Variants in DYRK1A observed in about 807,000 individuals in gnomAD.
The protein encoded by DYRK1A is dual specificity tyrosine phosphorylation regulated kinase 1A.
A neutral mutation model predicts 79.7 loss-of-function variants in DYRK1A; 9 were observed. That is an observed-to-expected ratio of 0.11 (90% CI 0.07 to 0.20). The LOEUF is 0.20. Ranked by LOEUF, DYRK1A falls within the 10% of genes least tolerant of loss-of-function variation. DYRK1A has a pLI of 1.00. For synonymous variants in DYRK1A, 349 were observed against 329.7 expected (o/e 1.06, Z -0.63); for missense variants, 622 against 956.0 (o/e 0.65, Z 4.61).
At chr21:37,394,793 G>A (rs1464278079) in intron 1 of DYRK1A, among the ~76,000 whole-genome samples, 3 of 152,166 alleles carry the variant, frequency 2.0e-5, no homozygotes, top group East Asian at 3.8e-4. Context: ...TGCCAAAAAG[G>A]TTATGGGATA....
chr21:37,509,801 C>T (rs2053700549), intron 11 of DYRK1A, among the ~76,000 whole-genome samples: 1 of 152,222 alleles, frequency 6.6e-6, no homozygotes, highest in African/African-American at 2.4e-5. Flanking sequence ...TAATAAATAA[C>T]CCTGTACGGT....
chr21:37,457,027 T>C (rs1386221126), intron 2 of DYRK1A, among the ~76,000 whole-genome samples: 2 of 76,440 alleles, frequency 2.6e-5, no homozygotes, highest in Admixed American at 1.4e-4. Context: ...CTTACTTACT[T>C]ACTTACTTAC....
intron 1 of DYRK1A, among the ~76,000 whole-genome samples, chr21:37,415,229 T>C (rs1301738485): frequency 6.6e-6 from 1 of 152,180 alleles, no homozygotes; most frequent in Admixed American, 6.5e-5. Flanking sequence ...CAGCTTTTAG[T>C]TCTTAAACCT....
At chr21:37,490,715 T>G (rs1251018517) in intron 7 of DYRK1A, among the ~76,000 whole-genome samples, 1 of 151,860 alleles carries the variant, frequency 6.6e-6, no homozygotes, top group Non-Finnish European at 1.5e-5. Flanking sequence ...TACCTTGTGT[T>G]GATATCTATT....
At chr21:37,458,491 G>T (rs1412984297) in intron 2 of DYRK1A, among the ~76,000 whole-genome samples, 1 of 152,080 alleles carries the variant, frequency 6.6e-6, no homozygotes, top group East Asian at 1.9e-4. Flanking sequence ...GCAACTCTGT[G>T]TGTAACGTTT....
At chr21:37,378,337 A>G (rs2148365335) in intron 1 of DYRK1A, among the ~76,000 whole-genome samples, 1 of 152,286 alleles carries the variant, frequency 6.6e-6, no homozygotes, top group East Asian at 1.9e-4. Context: ...GTTTGAGACG[A>G]CCCTGACCGA....
chr21:37,488,617 G>T (rs528240495), intron 6 of DYRK1A: 1 of 985,356 alleles, frequency 1.0e-6, no homozygotes, highest in South Asian at 4.7e-5. Context: ...AAATATGCTT[G>T]TTTGAGCTTT....
chr21:37,413,091 A>C (rs1215916670), intron 1 of DYRK1A, among the ~76,000 whole-genome samples: 1 of 152,208 alleles, frequency 6.6e-6, no homozygotes, highest in South Asian at 2.1e-4. Context: ...AAGAACATAC[A>C]TTTTAAGAAT....
At chr21:37,410,247 A>G (rs1047584615) in intron 1 of DYRK1A, among the ~76,000 whole-genome samples, 2 of 152,204 alleles carry the variant, frequency 1.3e-5, no homozygotes, top group Admixed American at 1.3e-4. Flanking sequence ...TTGGAGAAGA[A>G]GCTGAGGAAT....
chr21:37,452,384 AAG>A (rs2051482763), intron 2 of DYRK1A, among the ~76,000 whole-genome samples: 1 of 151,998 alleles, frequency 6.6e-6, no homozygotes. Flanking sequence ...AGGTGGAAGT[AAG>A]AGAGCGAATA....
At chr21:37,442,681 T>C (rs1039373252) in intron 2 of DYRK1A, among the ~76,000 whole-genome samples, 1 of 152,174 alleles carries the variant, frequency 6.6e-6, no homozygotes, top group Non-Finnish European at 1.5e-5. Context: ...TCAAGTGATA[T>C]TCCTGTCCCA....
intron 2 of DYRK1A, among the ~76,000 whole-genome samples, chr21:37,448,293 G>T (rs1402314633): frequency 2.6e-5 from 4 of 152,156 alleles, no homozygotes; most frequent in African/African-American, 9.7e-5. Flanking sequence ...AAAGCACTTT[G>T]TACTGTATTA....
intron 2 of DYRK1A, among the ~76,000 whole-genome samples, chr21:37,429,906 C>T (rs1452019569): frequency 6.6e-6 from 1 of 152,192 alleles, no homozygotes; most frequent in East Asian, 1.9e-4. Context: ...TTGGTTGCCT[C>T]CATGATTTTT....
chr21:37,467,124 AAAC>A (rs1451074638), intron 2 of DYRK1A, among the ~76,000 whole-genome samples: 9 of 151,980 alleles, frequency 5.9e-5, no homozygotes, highest in African/African-American at 1.9e-4. Context: ...AAAAAAAACA[AAAC>A]AAAAAAACGG....
rs200885984 is a variant in DYRK1A, at chr21:37,496,240, G to A, written c.1194G>A (p.Lys398=). 3 of 1,612,748 alleles carry A rather than the reference G, an allele frequency of 1.9e-6. No individual in the cohort carries two copies. Among genetic ancestry groups the A allele is most frequent in the Non-Finnish European group, 2.5e-6 (3 of 1,179,652 alleles). ...KLPDGTWNLK[K]TKDGKREYKP... is the part of the protein sequence containing the mutation. ...CAGATGGCACTTGGAACTTAAAGAA[G>A]ACCAAAGATGGAAAACGGGTAAAAT... Residue 398 remains lysine, a synonymous_variant, in exon 9 of 12, where the codon AAG becomes AAA. Coordinates refer to ENST00000647188, the MANE Select transcript of DYRK1A (RefSeq NM_001347721.2).
intron 4 of DYRK1A, among the ~76,000 whole-genome samples, chr21:37,479,619 G>GTTTTTTTTTTTTTTTGTT (rs2052553155): frequency 1.4e-5 from 1 of 73,922 alleles, no homozygotes; most frequent in Admixed American, 2.5e-4. Flanking sequence ...TTTGTTTTTT[G>GTTTTTTTTTTTTTTTGTT]TTTTTTTTTT....
intron 2 of DYRK1A, among the ~76,000 whole-genome samples, chr21:37,434,123 A>C (rs2050854897): frequency 6.6e-6 from 1 of 152,146 alleles, no homozygotes; most frequent in Non-Finnish European, 1.5e-5. Flanking sequence ...GGAGAAGAGA[A>C]ATTGTAGTGT....
At chr21:37,423,037 C>T (rs1037911129) in intron 2 of DYRK1A, among the ~76,000 whole-genome samples, 1 of 152,034 alleles carries the variant, frequency 6.6e-6, no homozygotes, top group Non-Finnish European at 1.5e-5. Context: ...TGCTTTGTAC[C>T]AGGTACTATT....
intron 2 of DYRK1A, among the ~76,000 whole-genome samples, chr21:37,455,810 C>T (rs2051618625): frequency 6.6e-6 from 1 of 152,190 alleles, no homozygotes; most frequent in East Asian, 1.9e-4. Context: ...TAACTCTTTA[C>T]TGTTCTTAGT....
Sources: gnomAD v4.1 joint callset for allele counts (sites outside exome capture counted in the v4.1 genomes callset) on GRCh38, gnomAD v4.1.1 for gene constraint, MANE v1.5 for transcripts, NCBI Gene and HGNC (gene_info 2026-07-23, HGNC 2026-07-21) for gene names.